Variants in MGAT5 observed in about 807,000 individuals in gnomAD.
The protein encoded by MGAT5 is alpha-1,6-mannosylglycoprotein 6-beta-N-acetylglucosaminyltransferase A.
In MGAT5, 30 loss-of-function variants were observed where a neutral mutation model predicts 94.3. The observed-to-expected ratio is 0.32, with a 90% CI of 0.24 to 0.43. MGAT5 has a LOEUF of 0.43. MGAT5 is among the 20% of genes least tolerant of loss of function. The pLI is 1.00. For synonymous variants in MGAT5, 310 were observed against 322.9 expected (o/e 0.96, Z 0.43); for missense variants, 691 against 905.5 (o/e 0.76, Z 3.04).
At chr2:134,325,921 G>C (rs929626369) in intron 4 of MGAT5, among the ~76,000 whole-genome samples, 3 of 152,050 alleles carry the variant, frequency 2.0e-5, no homozygotes, top group African/African-American at 7.2e-5. Context: ...TTCCAGTAAA[G>C]TGATAGCTAG....
intron 10 of MGAT5, among the ~76,000 whole-genome samples, chr2:134,395,646 G>A (rs945643879): frequency 6.6e-6 from 1 of 152,182 alleles, no homozygotes; most frequent in Admixed American, 6.5e-5. Flanking sequence ...CCATTAAGTG[G>A]TATTACTTCC....
intron 15 of MGAT5, among the ~76,000 whole-genome samples, chr2:134,447,073 A>G (rs1685826903): frequency 6.6e-6 from 1 of 152,236 alleles, no homozygotes; most frequent in Admixed American, 6.5e-5. Flanking sequence ...ACATATGCAT[A>G]CGCATGCACG....
At chr2:134,271,661 T>G (rs1017539357) in intron 2 of MGAT5, among the ~76,000 whole-genome samples, 2 of 152,206 alleles carry the variant, frequency 1.3e-5, no homozygotes, top group Non-Finnish European at 2.9e-5. Flanking sequence ...TCTTTGCCCT[T>G]TAGCAAATTT....
intron 8 of MGAT5, among the ~76,000 whole-genome samples, chr2:134,347,188 A>G (rs975595958): frequency 6.6e-6 from 1 of 152,218 alleles, no homozygotes; most frequent in Non-Finnish European, 1.5e-5. Flanking sequence ...TATAATGTCA[A>G]ACCTTCCATG....
intron 1 of MGAT5, among the ~76,000 whole-genome samples, chr2:134,218,514 T>C (rs146168225): frequency 1.2e-4 from 18 of 152,178 alleles, no homozygotes; most frequent in Non-Finnish European, 2.5e-4. Flanking sequence ...CTTTCTTATG[T>C]ATTTGAGGGG....
intron 2 of MGAT5, among the ~76,000 whole-genome samples, chr2:134,289,043 A>G (rs2105763717): frequency 6.6e-6 from 1 of 152,002 alleles, no homozygotes; most frequent in East Asian, 1.9e-4. Flanking sequence ...GGTGCCCTTC[A>G]TCTCCCTTGT....
intron 12 of MGAT5, among the ~76,000 whole-genome samples, chr2:134,418,927 G>C (rs1684124708): frequency 6.6e-6 from 1 of 152,184 alleles, no homozygotes; most frequent in Non-Finnish European, 1.5e-5. Flanking sequence ...ACCCTGTCCT[G>C]CTCTGCCAGC....
intron 14 of MGAT5, among the ~76,000 whole-genome samples, chr2:134,438,236 A>G (rs541002848): frequency 1.5e-4 from 23 of 152,332 alleles, no homozygotes; most frequent in African/African-American, 3.6e-4. Flanking sequence ...AATGAATTTT[A>G]TGTTGAGATT....
intron 14 of MGAT5, among the ~76,000 whole-genome samples, chr2:134,438,801 C>T (rs1246959502): frequency 1.3e-5 from 2 of 152,188 alleles, no homozygotes; most frequent in Admixed American, 6.5e-5. Flanking sequence ...TCTGCTTACC[C>T]ACTCACCCAC....
chr2:134,340,975 A>G (rs1688591371), intron 6 of MGAT5, among the ~76,000 whole-genome samples: 1 of 152,180 alleles, frequency 6.6e-6, no homozygotes, highest in Admixed American at 6.5e-5. Context: ...AGGAATTACT[A>G]GGTTTTTTAG....
At chr2:134,192,603 T>A (rs1679281635) in intron 1 of MGAT5, among the ~76,000 whole-genome samples, 2 of 152,236 alleles carry the variant, frequency 1.3e-5, no homozygotes, top group African/African-American at 4.8e-5. Context: ...TCTAAGGAAA[T>A]ATACAGAGGT....
At chr2:134,250,227 A>G (rs1682513159), upstream of MGAT5, among the ~76,000 whole-genome samples, 1 of 152,210 alleles carries the variant, frequency 6.6e-6, no homozygotes, top group African/African-American at 2.4e-5. Context: ...ACTTGGTGCA[A>G]ACTTTTTTCT....
chr2:134,254,627 G>A lies in MGAT5; in HGVS notation c.224G>A (p.Gly75Glu). 6.2e-7 allele frequency: 1 copy of A among 1,614,176 alleles called. No homozygotes were observed. Among genetic ancestry groups the A allele is most frequent in the Non-Finnish European group, 8.5e-7 (1 of 1,180,028 alleles). The change falls in exon 1 of 16, where the codon GGA becomes GAA. Residue 75 changes from glycine (G) to glutamate (E), a missense_variant. Gly to Glu is a moderately conservative substitution (Grantham distance 98, BLOSUM62 -2). Around this residue, in one of 4 missense-constraint regions of MGAT5, gnomAD observed 307 missense variants for 335.4 expected, o/e 0.92. Transcript: ENST00000281923. Reference protein sequence around the residue: ...NRNVVDGPYAGVMTAYDLKKT... With the variant: ...NRNVVDGPYAEVMTAYDLKKT... ...AATGTGGTGGATGGGCCATACGCTG[G>A]AGTCATGACAGCTTATGGTAAGCAC... is the stretch of plus-strand genomic sequence containing the variant.
chr2:134,379,542 C>T (rs909766224), intron 10 of MGAT5, among the ~76,000 whole-genome samples: 35 of 152,148 alleles, frequency 2.3e-4, no homozygotes, highest in African/African-American at 8.0e-4. Flanking sequence ...ATGGAGGCAG[C>T]CCGCCAGCAC....
chr2:134,189,602 G>GTTTTGTTTTGTTTTTTTTTTTTT (rs1553490380), intron 1 of MGAT5, among the ~76,000 whole-genome samples: 2 of 84,672 alleles, frequency 2.4e-5, no homozygotes, highest in African/African-American at 4.8e-5. Context: ...GTTTTTTTTT[G>GTTTTGTTTTGTTTTTTTTTTTTT]TTTTTTTTTT....
At chr2:134,303,809 A>G (rs186962548) in intron 2 of MGAT5, among the ~76,000 whole-genome samples, 1 of 152,166 alleles carries the variant, frequency 6.6e-6, no homozygotes, top group Non-Finnish European at 1.5e-5. Flanking sequence ...TTTCACTACT[A>G]TGCAAAACTT....
chr2:134,200,166 C>G (rs941469440), intron 1 of MGAT5, among the ~76,000 whole-genome samples: 4 of 149,518 alleles, frequency 2.7e-5, no homozygotes, highest in African/African-American at 9.9e-5. Flanking sequence ...CATTCCCCCC[C>G]TGCCCCGCCA....
chr2:134,215,051 C>G (rs1378686977), intron 1 of MGAT5, among the ~76,000 whole-genome samples: 1 of 152,136 alleles, frequency 6.6e-6, no homozygotes, highest in Non-Finnish European at 1.5e-5. Flanking sequence ...TGTTTGCTTT[C>G]TTTTGCTCAG....
upstream of MGAT5, among the ~76,000 whole-genome samples, chr2:134,251,683 A>G (rs923076897): frequency 3.3e-5 from 5 of 152,242 alleles, no homozygotes; most frequent in South Asian, 4.1e-4. Context: ...GTGAGATTCA[A>G]TCCACATATA....
Sources: gnomAD v4.1 joint callset for allele counts (sites outside exome capture counted in the v4.1 genomes callset) on GRCh38, gnomAD v4.1.1 for gene constraint, gnomAD v4.1.1 regional missense constraint, MANE v1.5 for transcripts, NCBI Gene and HGNC (gene_info 2026-07-23, HGNC 2026-07-21) for gene names.